The following SNRK variants were observed in gnomAD, a reference collection of about 807,000 sequenced individuals.
SNRK encodes SNF-related serine/threonine-protein kinase.
In SNRK, 3 loss-of-function variants were observed where a neutral mutation model predicts 48.2. The ratio of observed to expected loss-of-function variants is 0.06; its 90% CI spans 0.03 to 0.16. The LOEUF (loss-of-function observed/expected upper bound fraction) is 0.16, where lower values mean the gene tolerates loss of function less well. SNRK is among the 10% of genes least tolerant of loss of function. The probability of loss-of-function intolerance (pLI) is 1.00; values close to 1 mark genes in which losing one functional copy is unlikely to be tolerated. For missense variants in SNRK, 627 were observed against 976.0 expected (o/e 0.64, Z 4.76); for synonymous variants, 376 against 366.1 (o/e 1.03, Z -0.31).
chr3:43,294,749 A>G (rs1439810995), intron 1 of SNRK, among the ~76,000 whole-genome samples: 3 of 151,850 alleles, frequency 2.0e-5, no homozygotes, highest in Middle Eastern at 3.4e-3. Flanking sequence ...CTGTTCCACA[A>G]TTCTTTTTTT....
intron 3 of SNRK, among the ~76,000 whole-genome samples, chr3:43,320,826 A>G (rs1291576318): frequency 6.6e-6 from 1 of 151,836 alleles, no homozygotes; most frequent in East Asian, 1.9e-4. Flanking sequence ...TAAGATTCTT[A>G]TATGAATTTT....
intron 1 of SNRK, among the ~76,000 whole-genome samples, chr3:43,294,511 T>C (rs2090837509): frequency 6.6e-6 from 1 of 152,112 alleles, no homozygotes; most frequent in Admixed American, 6.5e-5. Flanking sequence ...TAACTTGTGG[T>C]GTCTTGTTGG....
chr3:43,346,260 A>C (rs2091275127), intron 6 of SNRK, among the ~76,000 whole-genome samples: 1 of 152,190 alleles, frequency 6.6e-6, no homozygotes, highest in African/African-American at 2.4e-5. Flanking sequence ...ATTAAAGGGG[A>C]ACCTGTGCAA....
chr3:43,336,110 A>G (rs1387840531), intron 4 of SNRK, among the ~76,000 whole-genome samples: 1 of 148,030 alleles, frequency 6.8e-6, no homozygotes, highest in Non-Finnish European at 1.5e-5. Flanking sequence ...TGTTTGTCCT[A>G]CTTCAGTTTT....
chr3:43,339,785 C>G (rs1021082665), intron 4 of SNRK, among the ~76,000 whole-genome samples: 4 of 127,584 alleles, frequency 3.1e-5, no homozygotes, highest in Non-Finnish European at 4.8e-5. Context: ...CACTGCACTC[C>G]AGCTTGGCAA....
At chr3:43,311,083 A>G (rs773637989) in intron 3 of SNRK, among the ~76,000 whole-genome samples, 8 of 152,068 alleles carry the variant, frequency 5.3e-5, no homozygotes, top group Admixed American at 1.3e-4. Context: ...TGGTCTTACT[A>G]TTTGTTAGGT....
chr3:43,296,007 G>A (rs1340029823), intron 1 of SNRK, among the ~76,000 whole-genome samples: 1 of 152,040 alleles, frequency 6.6e-6, no homozygotes, highest in Non-Finnish European at 1.5e-5. Flanking sequence ...CCAAAATGCT[G>A]GATTACAGGT....
chr3:43,296,483 G>C (rs772448491), intron 1 of SNRK, among the ~76,000 whole-genome samples: 1 of 142,866 alleles, frequency 7.0e-6, no homozygotes, highest in Non-Finnish European at 1.5e-5. Context: ...AATATTGGTC[G>C]TCTGATTTTG....
chr3:43,318,770 A>G lies in SNRK; in HGVS notation c.590-13399A>G, dbSNP rs116979258. ...GTCCGGCGTGGTGGCTCATGCCTTT[A>G]ATCGCAGCACTTTGGGAGGCCGAGG... On this transcript the variant is annotated intron_variant, in intron 3 of 6. Coordinates refer to ENST00000296088, the MANE Select transcript of SNRK (RefSeq NM_017719.5). 1.2e-3 allele frequency among the ~76,000 whole-genome samples: 177 copies of G among 152,262 alleles called. 1 individual carries two copies. The East Asian group carries it at 0.03, about 26-fold the overall frequency.
At chr3:43,288,717 G>A (rs2125609531) in intron 1 of SNRK, among the ~76,000 whole-genome samples, 1 of 152,244 alleles carries the variant, frequency 6.6e-6, no homozygotes, top group Middle Eastern at 3.4e-3. Flanking sequence ...AGAAGAAAAG[G>A]GTACAAATGA....
chr3:43,287,016 A>G (rs1315825173), intron 1 of SNRK, among the ~76,000 whole-genome samples: 2 of 145,950 alleles, frequency 1.4e-5, no homozygotes, highest in African/African-American at 5.0e-5. Flanking sequence ...AGGCGCCCGC[A>G]TCCCCGCGCC....
chr3:43,339,991 T>C (rs1275907510), intron 4 of SNRK, among the ~76,000 whole-genome samples: 1 of 151,182 alleles, frequency 6.6e-6, no homozygotes, highest in Non-Finnish European at 1.5e-5. Flanking sequence ...TTAATTCTGG[T>C]ATGTCACTAA....
intron 1 of SNRK, among the ~76,000 whole-genome samples, chr3:43,292,715 A>G (rs964731676): frequency 6.6e-6 from 1 of 151,984 alleles, no homozygotes; most frequent in Non-Finnish European, 1.5e-5. Context: ...GTGTTCCTCT[A>G]CTCCTGTTGA....
intron 3 of SNRK, among the ~76,000 whole-genome samples, chr3:43,308,211 A>G (rs1287739000): frequency 6.6e-6 from 1 of 152,244 alleles, no homozygotes; most frequent in Non-Finnish European, 1.5e-5. Context: ...TCCATAACAT[A>G]AAAGTACAAG....
Position 43,347,708 on chromosome 3 carries a change from G to A in SNRK, c.1449G>A (p.Ala483=), listed in dbSNP as rs780968808. 1.7e-5 allele frequency: 28 copies of A among 1,613,782 alleles called. No individual in the cohort carries two copies. Among genetic ancestry groups the A allele is most frequent in the Middle Eastern group, 1.6e-4 (1 of 6,084 alleles). ...VTNRLTSRKS[A]PVLNQIFEEG... is the part of the protein sequence containing the mutation. ...ACCGCCTGACATCCAGGAAGAGTGC[G>A]CCCGTCCTCAACCAGATCTTTGAGG... is the stretch of plus-strand genomic sequence containing the variant. The change falls in exon 7 of 7, where the codon GCG becomes GCA. Residue 483 remains alanine (A), a synonymous_variant. Transcript: ENST00000296088. The surrounding 1 kb of genome is among the most constrained non-coding windows in gnomAD (Gnocchi z 5.4).
At position 43,343,378 on chromosome 3, in the gene SNRK, G is replaced by A. The variant is rs2091251806; in HGVS notation, c.979G>A (p.Ala327Thr). 2 of 1,613,964 alleles carry A rather than the reference G, an allele frequency of 1.2e-6. No individual in the cohort carries two copies. The highest frequency in any genetic ancestry group is 2.2e-5 in the South Asian group (2 of 91,082). Residue 327 changes from alanine to threonine, a missense_variant, in exon 6 of 7, where the codon GCC (alanine) becomes ACC (threonine). By Grantham distance (58) the Ala-to-Thr change is moderately conservative. Around this residue, in one of 4 missense-constraint regions of SNRK, gnomAD observed 175 missense variants for 209.7 expected, o/e 0.83. Coordinates refer to ENST00000296088, the MANE Select transcript of SNRK (RefSeq NM_017719.5). ...AACCAACAGGTATAACCATATCACAGCCACATACTTCCTGCTGGCTGAAAG... is the reference window on the plus strand; with the variant it reads ...AACCAACAGGTATAACCATATCACAACCACATACTTCCTGCTGGCTGAAAG... ...LETNRYNHIT[A>T]TYFLLAERIL...
Position 43,347,562 on chromosome 3 carries a change from A to C in SNRK, c.1303A>C (p.Thr435Pro), listed in dbSNP as rs1575564308. The C allele has an allele frequency of 2.5e-6, 4 of 1,613,984 alleles. No homozygotes were observed. The Middle Eastern group carries it at 4.9e-4, about 200-fold the overall frequency. Residue 435 changes from threonine (T) to proline (P), a missense_variant, in exon 7 of 7, where the codon ACA becomes CCA. Physicochemically the swap from Thr to Pro is conservative, Grantham distance 38 (BLOSUM62 -1). Coordinates refer to ENST00000296088, the MANE Select transcript of SNRK (RefSeq NM_017719.5). The surrounding 1 kb of genome is among the most constrained non-coding windows in gnomAD (Gnocchi z 5.4). ...STVPPASLKP[T>P]ASGRKCLFRV... is the part of the protein sequence containing the mutation. ...GGTGCCACCCGCAAGCTTAAAACCC[A>C]CAGCCAGTGGGCGGAAGTGTCTGTT...
intron 3 of SNRK, among the ~76,000 whole-genome samples, chr3:43,325,271 T>C (rs1056680198): frequency 6.6e-6 from 1 of 152,202 alleles, no homozygotes; most frequent in Non-Finnish European, 1.5e-5. Context: ...GTTCACACCA[T>C]TCTCCTGCCT....
intron 3 of SNRK, among the ~76,000 whole-genome samples, chr3:43,305,702 G>A (rs548784971): frequency 6.6e-6 from 1 of 151,910 alleles, no homozygotes; most frequent in South Asian, 2.1e-4. Flanking sequence ...AGCCAGGATG[G>A]TCTTGATCTC....
Sources: gnomAD v4.1 joint callset for allele counts (sites outside exome capture counted in the v4.1 genomes callset) on GRCh38, gnomAD v4.1.1 for gene constraint, gnomAD v4.1.1 regional missense constraint, Gnocchi (gnomAD v3.1) non-coding constraint, MANE v1.5 for transcripts, NCBI Gene and HGNC (gene_info 2026-07-23, HGNC 2026-07-21) for gene names.